RABEP2: variants seen among roughly 807,000 people sequenced by gnomAD.
RABEP2 encodes rab GTPase-binding effector protein 2.
A neutral mutation model predicts 74.1 loss-of-function variants in RABEP2; 57 were observed. That is an observed-to-expected ratio of 0.77 (90% CI 0.62 to 0.96). RABEP2 has a LOEUF of 0.96. Ranked by LOEUF, RABEP2 falls within the 40% of genes least tolerant of loss-of-function variation. RABEP2 has a pLI of 0.00. For missense variants in RABEP2, 692 were observed against 756.3 expected (o/e 0.91, Z 1.00); for synonymous variants, 351 against 344.0 (o/e 1.02, Z -0.23).
chr16:28,917,674 A>C (rs1366534764), intron 3 of RABEP2: 2 of 152,232 alleles, frequency 1.3e-5, no homozygotes, highest in Non-Finnish European at 2.9e-5. Flanking sequence ...TGCCCACCTC[A>C]ACCTCCCAAA....
chr16:28,910,774 G>C, intron 7 of RABEP2, 114 bp downstream of exon 7: 4 of 927,034 alleles, frequency 4.3e-6, no homozygotes, highest in Non-Finnish European at 6.6e-6. Context: ...GGTGTGGCCT[G>C]AGCAGCTGGG....
rs771269125 is a variant in RABEP2, at chr16:28,914,437, G to A, written c.693C>T (p.Ser231=). The change falls in exon 5 of 13, where the codon AGC becomes AGT. Residue 231 remains serine (S), a synonymous_variant. Coordinates refer to ENST00000358201, the MANE Select transcript of RABEP2 (RefSeq NM_024816.3). The stretch of plus-strand genomic sequence containing the variant: ...CAAGGGAGAAGGAGGAGATGGAGGC[G>A]CTGTCATCGCAGTTGTGAGCGAAGG... ...AEAFAHNCDD[S]ASISSFSLGG... 1.2e-5 allele frequency: 19 copies of A among 1,613,392 alleles called. No homozygotes were observed. The highest frequency in any genetic ancestry group is 1.6e-4 in the Middle Eastern group (1 of 6,068).
chr16:28,919,307 C>T (rs368151318), intron 3 of RABEP2, among the ~76,000 whole-genome samples: 2 of 152,158 alleles, frequency 1.3e-5, no homozygotes, highest in Admixed American at 1.3e-4. Context: ...AGGTGTGCGC[C>T]GCAGGCTAAT....
chr16:28,921,619 G>C (rs1964468719), intron 2 of RABEP2, among the ~76,000 whole-genome samples: 1 of 150,914 alleles, frequency 6.6e-6, no homozygotes, highest in Non-Finnish European at 1.5e-5. Context: ...GTCAGCAGGA[G>C]ATGGAGGTGA....
rs759018832 is a variant in RABEP2, at chr16:28,906,110, G to C, written c.1332C>G (p.Ile444Met). Residue 444 changes from isoleucine (I) to methionine (M), a missense_variant, in exon 9 of 13, where the codon ATC becomes ATG. By Grantham distance (10) the Ile-to-Met change is conservative (BLOSUM62 1). Transcript: ENST00000358201. ...AQEHGAERLR[I>M]EIVTLREALE... ...GAGCCTCCCGCAGCGTCACGATCTCGATCCGCAGGCGCTCGGCCCCGTGCT... is the reference window on the plus strand; with the variant it reads ...GAGCCTCCCGCAGCGTCACGATCTCCATCCGCAGGCGCTCGGCCCCGTGCT... 1.3e-6 allele frequency: 2 copies of C among 1,586,814 alleles called. No homozygotes were observed. Among genetic ancestry groups the C allele is most frequent in the Non-Finnish European group, 1.7e-6 (2 of 1,168,890 alleles).
intron 3 of RABEP2, 98 bp downstream of exon 3, chr16:28,919,688 C>T: frequency 7.5e-7 from 1 of 1,339,864 alleles, no homozygotes; most frequent in East Asian, 2.4e-5. Flanking sequence ...AGAATCACTG[C>T]TGGGTGCCCC....
chr16:28,917,610 C>T (rs1328872671), intron 3 of RABEP2, among the ~76,000 whole-genome samples: 5 of 152,110 alleles, frequency 3.3e-5, no homozygotes, highest in African/African-American at 7.2e-5. Flanking sequence ...TTAGTAGAGA[C>T]GGGGTTTCCC....
chr16:28,924,218 C>T (rs1964503370), intron 2 of RABEP2, 185 bp downstream of exon 2: 1 of 600,996 alleles, frequency 1.7e-6, no homozygotes, highest in African/African-American at 1.9e-5. Flanking sequence ...AGAGCTGCTG[C>T]TATCACATGG....
chr16:28,904,436 A>T lies in RABEP2; in HGVS notation c.*507T>A. The T allele has an allele frequency of 6.5e-7, 1 of 1,529,634 alleles. No individual in the cohort carries two copies. The highest frequency in any genetic ancestry group is 8.7e-7 in the Non-Finnish European group (1 of 1,143,032). 94.8% of individuals were successfully genotyped at this position (1,529,634 alleles called of 1,614,324 possible). ...GGCGACCGACTGCGCTGAGCTGCTTATTTATTGAAAATAAACGACGGAAAA... is the reference window on the plus strand; with the variant it reads ...GGCGACCGACTGCGCTGAGCTGCTTTTTTATTGAAAATAAACGACGGAAAA... On this transcript the variant is annotated 3_prime_UTR_variant, in exon 13 of 13. Transcript: ENST00000358201.
At chr16:28,911,286 G>A (rs567575868) in intron 5 of RABEP2, 107 bp from the exon 6 acceptor site, 44 of 992,016 alleles carry the variant, frequency 4.4e-5, no homozygotes, top group South Asian at 1.8e-4. Flanking sequence ...CACACAGTCC[G>A]TCAAATTACA....
chr16:28,925,157 C>T lies in RABEP2; in HGVS notation c.7G>A (p.Ala3Thr), dbSNP rs1249018352. Residue 3 changes from alanine to threonine, a missense_variant, in exon 1 of 13, where the codon GCA becomes ACA. Physicochemically the swap from Ala to Thr is moderately conservative, Grantham distance 58. Coordinates refer to ENST00000358201, the MANE Select transcript of RABEP2 (RefSeq NM_024816.3). ...TCGTCCGCGGCCACCGGCGCAGCTG[C>T]CGCCATTGCCTCAGCGCAAACGGCG... MA[A>T]AAPVAADDDE... is the part of the protein sequence containing the mutation. 1 of 1,531,766 alleles carries T rather than the reference C, an allele frequency of 6.5e-7. No individual in the cohort carries two copies. Among genetic ancestry groups the T allele is most frequent in the Non-Finnish European group, 8.7e-7 (1 of 1,145,034 alleles). 94.9% of individuals were successfully genotyped at this position (1,531,766 alleles called of 1,614,324 possible).
At chr16:28,915,284 C>G in intron 3 of RABEP2, among the ~76,000 whole-genome samples, 1 of 149,040 alleles carries the variant, frequency 6.7e-6, no homozygotes, top group Non-Finnish European at 1.5e-5. Flanking sequence ...GTTTTGAACT[C>G]CAGGCCTCAA....
chr16:28,918,319 C>T (rs576428440), intron 3 of RABEP2, among the ~76,000 whole-genome samples: 32 of 152,102 alleles, frequency 2.1e-4, no homozygotes, highest in African/African-American at 6.7e-4. Context: ...AGAACACTTT[C>T]GAACCAGCCT....
At chr16:28,915,921 C>T (rs1289088649) in intron 3 of RABEP2, among the ~76,000 whole-genome samples, 1 of 151,600 alleles carries the variant, frequency 6.6e-6, no homozygotes, top group Non-Finnish European at 1.5e-5. Flanking sequence ...CTCACTGCTA[C>T]CTCTGCCTCC....
chr16:28,924,815 G>A (rs1465424723), intron 1 of RABEP2, 200 bp from the exon 2 acceptor site: 6 of 647,386 alleles, frequency 9.3e-6, no homozygotes, highest in Non-Finnish European at 1.7e-5. Context: ...ATCTCTTCGC[G>A]GTGGCCAGTT....
intron 8 of RABEP2, among the ~76,000 whole-genome samples, chr16:28,907,187 G>T (rs1351071616): frequency 6.7e-6 from 1 of 149,334 alleles, no homozygotes; most frequent in South Asian, 2.1e-4. Context: ...TTGAGACAGG[G>T]TCTCACTCTG....
At chr16:28,911,032 G>T (rs1964304700) in intron 6 of RABEP2, 46 bp from the exon 7 acceptor site, 5 of 1,610,214 alleles carry the variant, frequency 3.1e-6, no homozygotes, top group Admixed American at 1.7e-5. Flanking sequence ...CATGTCAGGG[G>T]GCGGCAGGTA....
In RABEP2 at chr16:28,911,141, G is replaced by T. The variant is rs768426783; in HGVS notation, c.933C>A (p.Arg311=). Residue 311 remains arginine (R), a synonymous_variant, in exon 6 of 13, where the codon CGC becomes CGA. Transcript: ENST00000358201. The part of the protein sequence containing the change: ...QLQKDLESVS[R]ERDELQEGLR... Reference sequence around the variant, plus strand: ...GGCCCTCTTGGAGCTCGTCCCGCTCGCGACTGACGCTCTCCAGGTCCTTCT... The same window carrying T: ...GGCCCTCTTGGAGCTCGTCCCGCTCTCGACTGACGCTCTCCAGGTCCTTCT... The T allele has an allele frequency of 1.2e-6, 2 of 1,612,206 alleles. No homozygotes were observed. The highest frequency in any genetic ancestry group is 1.7e-6 in the Non-Finnish European group (2 of 1,180,006).
At chr16:28,905,352 C>T (rs1964208663) in intron 12 of RABEP2, 45 bp downstream of exon 12, 5 of 1,438,888 alleles carry the variant, frequency 3.5e-6, no homozygotes, top group Non-Finnish European at 4.8e-6. Flanking sequence ...GAGAGGTCAC[C>T]CGGAGTGGAG....
Sources: gnomAD v4.1 joint callset for allele counts (sites outside exome capture counted in the v4.1 genomes callset) on GRCh38, gnomAD v4.1.1 for gene constraint, MANE v1.5 for transcripts, NCBI Gene and HGNC (gene_info 2026-07-23, HGNC 2026-07-21) for gene names.